The following CCNH variants were observed in gnomAD, a reference collection of about 807,000 sequenced individuals.
CCNH encodes cyclin-H.
A neutral mutation model predicts 41.9 loss-of-function variants in CCNH; 31 were observed. The observed-to-expected ratio is 0.74, with a 90% CI of 0.56 to 1.00. CCNH has a LOEUF of 1.00. CCNH is among the 50% of genes least tolerant of loss of function. The pLI is 0.00. For synonymous variants in CCNH, 138 were observed against 136.1 expected (o/e 1.01, Z -0.10); for missense variants, 362 against 388.4 (o/e 0.93, Z 0.57).
chr5:87,369,452 G>C (rs1760767458), intron 9 of CCNH, among the ~76,000 whole-genome samples: 1 of 152,042 alleles, frequency 6.6e-6, no homozygotes, highest in African/African-American at 2.4e-5. Context: ...AACATTTTTG[G>C]TCTAAGAACA....
At chr5:87,397,380 G>A (rs1763053160) in intron 7 of CCNH, among the ~76,000 whole-genome samples, 1 of 151,962 alleles carries the variant, frequency 6.6e-6, no homozygotes, top group South Asian at 2.1e-4. Context: ...GGCTGGTCTC[G>A]AACTCCCGAC....
intron 9 of CCNH, among the ~76,000 whole-genome samples, chr5:87,355,205 A>G (rs1179279747): frequency 6.6e-6 from 1 of 152,218 alleles, no homozygotes; most frequent in Non-Finnish European, 1.5e-5. Flanking sequence ...ACATCCTTCT[A>G]TCTGAAAATA....
rs192302070 is a variant in CCNH at position 87,360,601 on chromosome 5, G to T, written c.*90+32169C>A. On this transcript the variant is annotated intron_variant and NMD_transcript_variant, in intron 9 of 9. Transcript: ENST00000645953. ...TACTTTCAGTAATTTTTTATACAAA[G>T]GCCCTTTAATATTTGCCCATTCACA... Among the ~76,000 whole-genome samples the T allele has an allele frequency of 1.7e-3, 254 of 152,132 alleles. 1 individual carries two copies. Among genetic ancestry groups the T allele is most frequent in the African/African-American group, 5.9e-3 (244 of 41,502 alleles).
chr5:87,412,530 G>C, intron 1 of CCNH, 148 bp downstream of exon 1: 1 of 1,446,732 alleles, frequency 6.9e-7, no homozygotes, highest in Non-Finnish European at 9.1e-7. Flanking sequence ...ACCTGGCAAG[G>C]TGCTCGCTTA....
chr5:87,394,758 A>AG, intron 8 of CCNH: 2 of 1,343,708 alleles, frequency 1.5e-6, no homozygotes, highest in South Asian at 4.4e-5. Context: ...AAAGGGGGTA[A>AG]GGGAAAAATC....
At chr5:87,360,130 T>TTG (rs1016345794) in intron 9 of CCNH, among the ~76,000 whole-genome samples, 5 of 151,652 alleles carry the variant, frequency 3.3e-5, no homozygotes, top group Non-Finnish European at 7.4e-5. Context: ...TGCAGTTTTT[T>TTG]TTTTTTTTTT....
Position 87,404,922 on chromosome 5 carries a change from T to C in CCNH, c.611A>G (p.Tyr204Cys), listed in dbSNP as rs771004517. 17 of 1,613,188 alleles carry C rather than the reference T, an allele frequency of 1.1e-5. No homozygotes were observed. Among genetic ancestry groups the C allele is most frequent in the African/African-American group, 2.7e-5 (2 of 74,866 alleles). The change falls in exon 5 of 9, where the codon TAC (tyrosine) becomes TGC (cysteine). Residue 204 changes from tyrosine to cysteine, a missense_variant. Transcript: ENST00000256897. ...FLNRIALTDA[Y>C]LLYTPSQIAL... ...AATTTGGGAAGGTGTGTATAAAAGG[T>C]AAGCATCCGTCAATGCAATTCTATT...
intron 4 of CCNH, among the ~76,000 whole-genome samples, chr5:87,405,433 GAA>G (rs1270307390): frequency 6.6e-6 from 1 of 152,120 alleles, no homozygotes; most frequent in Non-Finnish European, 1.5e-5. Flanking sequence ...AATTCCCACA[GAA>G]AAAGTTTTAG....
chr5:87,393,359 A>G (rs938820288), downstream of CCNH: 7 of 152,104 alleles, frequency 4.6e-5, no homozygotes, highest in Non-Finnish European at 8.8e-5. Flanking sequence ...CAATTATAAT[A>G]GTTAACACTT....
chr5:87,401,393 A>G (rs2112561625), intron 6 of CCNH, among the ~76,000 whole-genome samples: 1 of 152,346 alleles, frequency 6.6e-6, no homozygotes, highest in African/African-American at 2.4e-5. Flanking sequence ...TTCCCATTAC[A>G]TCTTTTTCAG....
At chr5:87,374,214 C>A, downstream of CCNH, 1 of 1,581,020 alleles carries the variant, frequency 6.3e-7, no homozygotes, top group Non-Finnish European at 8.6e-7. Context: ...CCCAGTAAAA[C>A]ATTTTACTAA....
chr5:87,412,449 C>CAAA, intron 1 of CCNH: 2 of 1,390,932 alleles, frequency 1.4e-6, no homozygotes, highest in Non-Finnish European at 1.9e-6. Context: ...TTCTTCACTA[C>CAAA]GTTACAAAGA....
intron 9 of CCNH, chr5:87,353,079 CAAGAA>C: frequency 8.6e-7 from 1 of 1,166,020 alleles, no homozygotes; most frequent in Non-Finnish European, 1.3e-6. Context: ...TAATCCTTGG[CAAGAA>C]AGTTTACACA....
At chr5:87,405,353 T>C (rs566067235) in intron 4 of CCNH, among the ~76,000 whole-genome samples, 1 of 152,320 alleles carries the variant, frequency 6.6e-6, no homozygotes, top group Admixed American at 6.5e-5. Flanking sequence ...ATTCCTTCTA[T>C]TTAAAATTTG....
chr5:87,352,303 T>TAC (rs142667821), intron 9 of CCNH, among the ~76,000 whole-genome samples: 29,538 of 150,080 alleles, frequency 0.2, 3,571 homozygotes, highest in East Asian at 0.4. Flanking sequence ...TACTTGAAGA[T>TAC]ACACACACAC....
intron 9 of CCNH, among the ~76,000 whole-genome samples, chr5:87,325,099 CAATCA>C (rs1317343641): frequency 1.3e-5 from 2 of 152,048 alleles, no homozygotes; most frequent in Non-Finnish European, 2.9e-5. Flanking sequence ...AGGAAACTTA[CAATCA>C]TGGCGGAAGG....
the CCNH span, among the ~76,000 whole-genome samples, chr5:87,312,290 A>G: frequency 6.6e-6 from 1 of 152,238 alleles, no homozygotes. Flanking sequence ...GCAGAAACAG[A>G]TAAGGAAATC....
At chr5:87,372,216 AT>A, downstream of CCNH, 2 of 1,603,480 alleles carry the variant, frequency 1.2e-6, no homozygotes, top group Non-Finnish European at 1.7e-6. Context: ...ATTTTCTTGG[AT>A]TTTTAATTGT....
Position 87,334,138 on chromosome 5 carries a change from GA to G in CCNH, c.*91-15242del, listed in dbSNP as rs1757791103. Among the ~76,000 whole-genome samples, 3 of 152,118 alleles carry G rather than the reference GA, an allele frequency of 2.0e-5. No individual in the cohort carries two copies. In the South Asian group the frequency reaches 6.2e-4, roughly 31 times the overall value. On this transcript the variant is annotated intron_variant and NMD_transcript_variant, in intron 9 of 9. Transcript: ENST00000645953. ...GAATAGGTTTACACAATGATAGATG[GA>G]GACAGTAAAGACCCACAATCGGCTG...
Sources: allele counts gnomAD v4.1 joint callset (sites outside exome capture counted in the v4.1 genomes callset), GRCh38; gene constraint gnomAD v4.1.1; transcripts MANE v1.5; gene names NCBI Gene and HGNC (gene_info 2026-07-23, HGNC 2026-07-21).